The following RBM33 variants were observed in gnomAD, a reference collection of about 807,000 sequenced individuals.
RBM33 encodes the protein RNA-binding protein 33.
RBM33 carries 28 observed loss-of-function variants against 132.6 expected under a neutral mutation model. That is an observed-to-expected ratio of 0.21 (90% CI 0.16 to 0.29). RBM33 has a LOEUF of 0.29. Among genes scored for constraint, RBM33 ranks in the 10% least tolerant of loss-of-function variants. The probability of loss-of-function intolerance (pLI) is 1.00; values close to 1 mark genes in which losing one functional copy is unlikely to be tolerated. For synonymous variants in RBM33, 634 were observed against 593.0 expected, an observed-to-expected ratio of 1.07 and a Z score of -1.01; for missense variants, 1,291 against 1,518.5, an observed-to-expected ratio of 0.85 and a Z score of 2.49.
chr7:155,724,507 G>A (rs1253149825), intron 9 of RBM33, among the ~76,000 whole-genome samples: 1 of 152,180 alleles, frequency 6.6e-6, no homozygotes, highest in African/African-American at 2.4e-5. Context: ...CAGCCTGGGC[G>A]ATGGAGCGAG....
intron 6 of RBM33, among the ~76,000 whole-genome samples, chr7:155,706,320 C>T (rs192892721): frequency 6.6e-4 from 100 of 152,176 alleles, no homozygotes; most frequent in African/African-American, 2.1e-3. Context: ...GGTGAAACCC[C>T]GTCTCTATTA....
intron 3 of RBM33, among the ~76,000 whole-genome samples, chr7:155,676,195 A>G (rs547910397): frequency 6.6e-6 from 1 of 152,326 alleles, no homozygotes; most frequent in South Asian, 2.1e-4. Flanking sequence ...CACGGGTCAG[A>G]CTGTCAGGGA....
At chr7:155,674,304 A>G (rs192758286) in intron 3 of RBM33, among the ~76,000 whole-genome samples, 17 of 152,046 alleles carry the variant, frequency 1.1e-4, no homozygotes, top group African/African-American at 3.4e-4. Context: ...CTTCTTTGTC[A>G]TGGTCACTGG....
Position 155,747,191 on chromosome 7 carries a change from T to A in RBM33, c.2979+1589T>A, listed in dbSNP as rs1244682530. Among the ~76,000 whole-genome samples, 4 of 152,254 alleles carry A rather than the reference T, an allele frequency of 2.6e-5. No homozygotes were observed. The East Asian group carries it at 7.7e-4, about 29-fold the overall frequency. On this transcript the variant is annotated intron_variant, in intron 14 of 17. Transcript: ENST00000401878. ...TTGTAATTAGAAATGTTGAGAAGAA[T>A]GGTGTTACATAAAATTGTTTTCATA... is the stretch of plus-strand genomic sequence containing the variant.
rs747288401 is a variant in RBM33 at position 155,711,257 on chromosome 7, C to T, written c.1003C>T (p.Leu335=). 1 of 1,602,328 alleles carries T rather than the reference C, an allele frequency of 6.2e-7. No individual in the cohort carries two copies. The highest frequency in any genetic ancestry group is 8.5e-7 in the Non-Finnish European group (1 of 1,174,908). The part of the protein sequence containing the change: ...PPPQQQPIRS[L]FQPQPLQPLL... ...GCCTCAGCAGCAGCCGATCAGAAGC[C>T]TGTTCCAGCCGCAGCCGCTGCAGCC... is the stretch of plus-strand genomic sequence containing the variant. The change falls in exon 8 of 18, where the codon CTG becomes TTG. Residue 335 remains leucine (L), a synonymous_variant. Transcript: ENST00000401878.
chr7:155,680,925 T>C lies in RBM33; in HGVS notation c.567+17T>C, dbSNP rs1473785658. The C allele has an allele frequency of 6.3e-7, 1 of 1,598,066 alleles. No homozygotes were observed. Among genetic ancestry groups the C allele is most frequent in the South Asian group, 1.1e-5 (1 of 89,500 alleles). On this transcript the variant is annotated intron_variant, in intron 5 of 17. Coordinates refer to ENST00000401878, the MANE Select transcript of RBM33 (RefSeq NM_053043.3). ...GAATTTACAGTGAGTCTTTTCTCCTTTGTATGGCCAAAGATAACCTGGCTT... is the reference window on the plus strand; with the variant it reads ...GAATTTACAGTGAGTCTTTTCTCCTCTGTATGGCCAAAGATAACCTGGCTT...
At chr7:155,736,386 T>C (rs778518533) in intron 9 of RBM33, among the ~76,000 whole-genome samples, 10 of 152,236 alleles carry the variant, frequency 6.6e-5, no homozygotes, top group Non-Finnish European at 5.9e-5. Flanking sequence ...ATTATTTTGA[T>C]GATAGTTAAT....
intron 1 of RBM33, among the ~76,000 whole-genome samples, chr7:155,649,480 A>G (rs945451788): frequency 5.3e-5 from 8 of 152,228 alleles, no homozygotes; most frequent in Non-Finnish European, 8.8e-5. Flanking sequence ...ATGTTAGTCA[A>G]TTCCACATGA....
At chr7:155,722,857 C>T (rs1373803395) in intron 9 of RBM33, among the ~76,000 whole-genome samples, 1 of 152,070 alleles carries the variant, frequency 6.6e-6, no homozygotes, top group Non-Finnish European at 1.5e-5. Context: ...CTATTCAGTC[C>T]TTTGATTTTA....
At chr7:155,735,068 T>C (rs982066377) in intron 9 of RBM33, among the ~76,000 whole-genome samples, 12 of 152,198 alleles carry the variant, frequency 7.9e-5, no homozygotes, top group African/African-American at 2.9e-4. Context: ...AGTTGGACCA[T>C]TGTAAGTCAG....
rs1801432643 is a variant in RBM33, at chr7:155,743,949, C to G, written c.2338-1012C>G. The stretch of plus-strand genomic sequence containing the variant: ...CCCTTGTAAACAGCCTCTCACCCAC[C>G]TTCATTTTTGCAGTTTGAAATCTGC... On this transcript the variant is annotated intron_variant, in intron 13 of 17. Coordinates refer to ENST00000401878, the MANE Select transcript of RBM33 (RefSeq NM_053043.3). Among the ~76,000 whole-genome samples the G allele has an allele frequency of 2.0e-5, 3 of 152,130 alleles. No individual in the cohort carries two copies. The South Asian group carries it at 6.2e-4, about 32-fold the overall frequency.
At chr7:155,701,183 AT>A (rs377242156) in intron 6 of RBM33, 121 of 540,450 alleles carry the variant, frequency 2.2e-4, no homozygotes, top group South Asian at 5.1e-4. Context: ...ATTAAAAAAA[AT>A]TTTTTTTTGA....
At chr7:155,715,416 G>C (rs867289046) in intron 8 of RBM33, among the ~76,000 whole-genome samples, 1 of 152,150 alleles carries the variant, frequency 6.6e-6, no homozygotes, top group South Asian at 2.1e-4. Flanking sequence ...TAGAAATATA[G>C]GGTGGTAAAG....
chr7:155,665,025 G>T (rs1445081089), intron 1 of RBM33, 150 bp from the exon 2 acceptor site: 3 of 545,510 alleles, frequency 5.5e-6, no homozygotes, highest in East Asian at 3.3e-5. Context: ...TATTAAAAAT[G>T]GCTAAAGTAA....
chr7:155,764,739 C>A (rs1585545308), intron 15 of RBM33, among the ~76,000 whole-genome samples: 2 of 152,236 alleles, frequency 1.3e-5, no homozygotes, highest in African/African-American at 4.8e-5. Flanking sequence ...TGGAGCTATG[C>A]AGAGGGAGAC....
rs2249337 is a variant in RBM33 at position 155,737,669 on chromosome 7, A to G, written c.1393+7A>G. On this transcript the variant is annotated splice_region_variant and intron_variant, in intron 10 of 17. Transcript: ENST00000401878. The stretch of plus-strand genomic sequence containing the variant: ...GACCCTTTCTTCTTAGGAGGTACAG[A>G]AAGAGTGAGTGGTGTGGAGTAACAA... 0.2 allele frequency: 319,503 copies of G among 1,566,064 alleles called. 34,286 individuals are homozygous for G. The highest frequency in any genetic ancestry group is 0.32 in the African/African-American group (23,427 of 72,190).
chr7:155,709,935 GTCT>G (rs1420040195), intron 7 of RBM33, among the ~76,000 whole-genome samples: 2 of 152,188 alleles, frequency 1.3e-5, no homozygotes, highest in Non-Finnish European at 2.9e-5. Flanking sequence ...CCTCTGAGAT[GTCT>G]TCTTGCTCTT....
chr7:155,681,709 C>CAAAA (rs1799342977), intron 5 of RBM33, among the ~76,000 whole-genome samples: 1 of 151,950 alleles, frequency 6.6e-6, no homozygotes, highest in Admixed American at 6.6e-5. Context: ...CAGAAGTATG[C>CAAAA]AAAATTGGGG....
intron 15 of RBM33, among the ~76,000 whole-genome samples, chr7:155,764,583 C>T (rs368273519): frequency 3.9e-5 from 6 of 152,330 alleles, no homozygotes; most frequent in South Asian, 2.1e-4. Context: ...TTGGAGTGGC[C>T]GTCTGTGCAC....
Sources: allele counts gnomAD v4.1 joint callset (sites outside exome capture counted in the v4.1 genomes callset), GRCh38; gene constraint gnomAD v4.1.1; transcripts MANE v1.5; gene names NCBI Gene and HGNC (gene_info 2026-07-23, HGNC 2026-07-21).